Variants in ADGRL3 observed in about 807,000 individuals in gnomAD.
The protein encoded by ADGRL3 is adhesion G protein-coupled receptor L3.
ADGRL3 carries 62 observed loss-of-function variants against 153.5 expected under a neutral mutation model. The ratio of observed to expected loss-of-function variants is 0.40; its 90% CI spans 0.33 to 0.50. ADGRL3 has a LOEUF of 0.50. Ranked by LOEUF, ADGRL3 falls within the 20% of genes least tolerant of loss-of-function variation. The pLI is 0.47. For synonymous variants in ADGRL3, 710 were observed against 672.5 expected, an observed-to-expected ratio of 1.06 and a Z score of -0.86; for missense variants, 1,641 against 1,859.4, an observed-to-expected ratio of 0.88 and a Z score of 2.16.
chr4:61,734,803 C>A (rs1316282172), intron 8 of ADGRL3, among the ~76,000 whole-genome samples: 1 of 152,134 alleles, frequency 6.6e-6, no homozygotes, highest in African/African-American at 2.4e-5. Flanking sequence ...ATTATTTTTG[C>A]CGTTCAGCTG....
chr4:61,837,436 A>G (rs1283329640), intron 9 of ADGRL3, among the ~76,000 whole-genome samples: 1 of 152,156 alleles, frequency 6.6e-6, no homozygotes, highest in Non-Finnish European at 1.5e-5. Flanking sequence ...AAAGGCTTCC[A>G]TAGTTTCTTT....
intron 8 of ADGRL3, among the ~76,000 whole-genome samples, chr4:61,741,572 A>G (rs990137358): frequency 3.3e-5 from 5 of 152,206 alleles, no homozygotes; most frequent in Non-Finnish European, 7.3e-5. Context: ...AATTTGCAAG[A>G]GCTATTCCAT....
chr4:61,499,112 A>G (rs574906785), intron 3 of ADGRL3, among the ~76,000 whole-genome samples: 1 of 152,298 alleles, frequency 6.6e-6, no homozygotes, highest in Admixed American at 6.5e-5. Flanking sequence ...CAGTGATGCA[A>G]TTCTGAATCT....
At chr4:61,938,056 CTGTTTT>C (rs1287844930) in intron 15 of ADGRL3, among the ~76,000 whole-genome samples, 1 of 152,044 alleles carries the variant, frequency 6.6e-6, no homozygotes, top group African/African-American at 2.4e-5. Flanking sequence ...CACACCCAGC[CTGTTTT>C]TGTTTTTGTT....
intron 5 of ADGRL3, among the ~76,000 whole-genome samples, chr4:61,651,555 G>A (rs2094249815): frequency 6.6e-6 from 1 of 151,936 alleles, no homozygotes; most frequent in African/African-American, 2.4e-5. Flanking sequence ...ATATCATTGA[G>A]TAATGTTTTC....
At chr4:61,787,502 A>G (rs1257876808) in intron 8 of ADGRL3, among the ~76,000 whole-genome samples, 2 of 152,112 alleles carry the variant, frequency 1.3e-5, no homozygotes, top group Non-Finnish European at 2.9e-5. Flanking sequence ...CAACATAAAG[A>G]GTGTACTGGG....
At chr4:61,709,708 G>GA (rs1015515947) in intron 6 of ADGRL3, among the ~76,000 whole-genome samples, 12 of 151,988 alleles carry the variant, frequency 7.9e-5, no homozygotes, top group African/African-American at 2.4e-4. Flanking sequence ...CAACCCCTGA[G>GA]AAAAAACATC....
At chr4:61,913,067 T>C (rs1316713235) in intron 13 of ADGRL3, among the ~76,000 whole-genome samples, 1 of 152,116 alleles carries the variant, frequency 6.6e-6, no homozygotes, top group Non-Finnish European at 1.5e-5. Context: ...AAACATTTCA[T>C]TTTTTCATTG....
chr4:61,729,440 G>A (rs2096403848), intron 6 of ADGRL3, among the ~76,000 whole-genome samples: 4 of 151,874 alleles, frequency 2.6e-5, no homozygotes, highest in Admixed American at 2.6e-4. Flanking sequence ...AGACACTCAA[G>A]CTTAGATCAA....
At chr4:61,473,229 G>T (rs1336940829) in intron 2 of ADGRL3, among the ~76,000 whole-genome samples, 1 of 151,632 alleles carries the variant, frequency 6.6e-6, no homozygotes, top group Non-Finnish European at 1.5e-5. Context: ...GTGTGTGTGT[G>T]TGTGTGTGTG....
At chr4:61,290,431 C>G (rs958707221) in intron 1 of ADGRL3, among the ~76,000 whole-genome samples, 1 of 151,994 alleles carries the variant, frequency 6.6e-6, no homozygotes, top group Non-Finnish European at 1.5e-5. Flanking sequence ...CTCACTATTT[C>G]TCTATGTTTA....
chr4:61,879,067 G>A (rs1327125092), intron 9 of ADGRL3, among the ~76,000 whole-genome samples: 1 of 152,006 alleles, frequency 6.6e-6, no homozygotes, highest in South Asian at 2.1e-4. Flanking sequence ...TCATAGAGTA[G>A]GCAAGAGAAT....
At chr4:61,746,407 T>G (rs967622200) in intron 8 of ADGRL3, among the ~76,000 whole-genome samples, 2 of 152,098 alleles carry the variant, frequency 1.3e-5, no homozygotes, top group Non-Finnish European at 2.9e-5. Context: ...AATATACATT[T>G]TTTTCAGCAC....
chr4:61,401,224 G>A (rs1343895626), intron 2 of ADGRL3, among the ~76,000 whole-genome samples: 6 of 151,694 alleles, frequency 4.0e-5, no homozygotes, highest in Admixed American at 2.0e-4. Flanking sequence ...AACAACGTAA[G>A]CAACAAATTA....
intron 17 of ADGRL3, among the ~76,000 whole-genome samples, chr4:61,967,940 A>G (rs12505782): frequency 0.34 from 51,687 of 151,984 alleles, 9,558 homozygotes; most frequent in East Asian, 0.62. Flanking sequence ...TCTGGCAAGG[A>G]TACTTTTGTC....
At chr4:61,818,047 C>A (rs1269977273) in intron 9 of ADGRL3, among the ~76,000 whole-genome samples, 3 of 152,248 alleles carry the variant, frequency 2.0e-5, no homozygotes, top group African/African-American at 4.8e-5. Flanking sequence ...TCCAACAGTT[C>A]CCCTAAAGTC....
At chr4:61,767,765 G>A (rs1343337591) in intron 8 of ADGRL3, among the ~76,000 whole-genome samples, 1 of 152,182 alleles carries the variant, frequency 6.6e-6, no homozygotes, top group African/African-American at 2.4e-5. Flanking sequence ...AGTTCCTGGG[G>A]GAGGAGGTTC....
intron 9 of ADGRL3, among the ~76,000 whole-genome samples, chr4:61,880,049 G>T (rs2098500286): frequency 6.6e-6 from 1 of 152,114 alleles, no homozygotes; most frequent in Non-Finnish European, 1.5e-5. Flanking sequence ...AAAAGGCGGT[G>T]GGTAGGCTTG....
chr4:61,235,405 T>C (rs866242307), intron 1 of ADGRL3, among the ~76,000 whole-genome samples: 1 of 152,246 alleles, frequency 6.6e-6, no homozygotes, highest in Non-Finnish European at 1.5e-5. Context: ...TCCTTGATTA[T>C]AAGCTTTACA....
Sources: gnomAD v4.1 joint callset for allele counts (sites outside exome capture counted in the v4.1 genomes callset) on GRCh38, gnomAD v4.1.1 for gene constraint, MANE v1.5 for transcripts, NCBI Gene and HGNC (gene_info 2026-07-23, HGNC 2026-07-21) for gene names.